TTN: variants seen among roughly 807,000 people sequenced by gnomAD.
TTN encodes the protein connectin.
TTN carries 1,525 observed loss-of-function variants against 3,223.0 expected under a neutral mutation model. The observed-to-expected ratio is 0.47, with a 90% CI of 0.45 to 0.49. The LOEUF is 0.49. Ranked by LOEUF, TTN falls within the 20% of genes least tolerant of loss-of-function variation. The pLI is 0.00. For missense variants in TTN, 40,786 were observed against 43,424.0 expected (o/e 0.94, Z 5.40); for synonymous variants, 14,094 against 15,161.0 (o/e 0.93, Z 5.17).
At chr2:178,628,425 C>G (rs1429255120) in intron 240 of TTN, among the ~76,000 whole-genome samples, 1 of 151,956 alleles carries the variant, frequency 6.6e-6, no homozygotes, top group Non-Finnish European at 1.5e-5. Flanking sequence ...TGCTTTATTT[C>G]CAACCCAGGC....
In TTN at chr2:178,599,582, T is replaced by A. The variant is rs377569886; in HGVS notation, c.56319A>T (p.Ala18773=). 1.8e-5 allele frequency: 28 copies of A among 1,592,740 alleles called. No homozygotes were observed. The highest frequency in any genetic ancestry group is 2.4e-5 in the Non-Finnish European group (28 of 1,168,422). ...TITAVNNLGT[A]SKEMRLNVLG... is the part of the protein sequence containing the mutation. ...GGACATTCAGTCTCATCTCCTTTGA[T>A]GCTGTTCCCAGATTATTTACAGCTG... Residue 18773 remains alanine (A), a synonymous_variant, in exon 289 of 363, where the codon GCA becomes GCT. Transcript: ENST00000589042.
rs750248363 is a variant in TTN, at chr2:178,605,144, A to C, written c.54033T>G (p.Thr18011=). The C allele has an allele frequency of 6.2e-7, 1 of 1,612,656 alleles. No homozygotes were observed. The highest frequency in any genetic ancestry group is 8.5e-7 in the Non-Finnish European group (1 of 1,179,190). Residue 18011 remains threonine (T), a synonymous_variant, in exon 280 of 363, where the codon ACT becomes ACG. Transcript: ENST00000589042. ...CTTCCTTGGTTATCTGAAGTGCATCAGTGGGTTTTTCAATTACAGTTTCAT... is the reference window on the plus strand; with the variant it reads ...CTTCCTTGGTTATCTGAAGTGCATCCGTGGGTTTTTCAATTACAGTTTCAT... The part of the protein sequence containing the change: ...SKNETVIEKP[T]DALQITKEEV...
At position 178,783,009 on chromosome 2, in the gene TTN, A is replaced by T; in HGVS notation, c.2897T>A (p.Ile966Asn). Residue 966 changes from isoleucine to asparagine, a missense_variant, in exon 18 of 363, where the codon ATC becomes AAC. Ile to Asn is a moderately radical substitution (Grantham distance 149). Coordinates refer to ENST00000589042, the MANE Select transcript of TTN (RefSeq NM_001267550.2). ...EGESVTLECH[I>N]SGYPSPTVTW... Reference sequence around the variant, plus strand: ...CACTGTCGGGGATGGGTATCCAGAGATGTGGCACTCCAAGGTGACAGATTC... The same window carrying T: ...CACTGTCGGGGATGGGTATCCAGAGTTGTGGCACTCCAAGGTGACAGATTC... The T allele has an allele frequency of 1.2e-6, 2 of 1,614,132 alleles. No homozygotes were observed. Among genetic ancestry groups the T allele is most frequent in the Non-Finnish European group, 1.7e-6 (2 of 1,180,000 alleles).
rs1224788527 is a variant in TTN at position 178,561,212 on chromosome 2, A to G, written c.84920T>C (p.Ile28307Thr). The change falls in exon 326 of 363, where the codon ATA becomes ACA. Residue 28307 changes from isoleucine to threonine, a missense_variant. Ile to Thr is a moderately conservative substitution (Grantham distance 89, BLOSUM62 -1). Transcript: ENST00000589042. The part of the protein sequence containing the change: ...GRWLKCNYTN[I>T]QETYFEVTEL... ...AGTTACTTCAAAGTATGTTTCTTGT[A>G]TATTAGTATAATTGCACTTCAGCCA... is the stretch of plus-strand genomic sequence containing the variant. 6 of 1,613,458 alleles carry G rather than the reference A, an allele frequency of 3.7e-6. No homozygotes were observed. The highest frequency in any genetic ancestry group is 2.7e-5 in the African/African-American group (2 of 74,908).
In TTN at chr2:178,621,935, C is replaced by T. The variant is rs762128685; in HGVS notation, c.44987G>A (p.Arg14996His). ...KYDIISKGAV[R>H]ILVINKCLLD... is the part of the protein sequence containing the mutation. ...TAGACATTTGTTGATGACAAGAATG[C>T]GCACTGCTCCCTTGGATATGATGTC... Residue 14996 changes from arginine to histidine, a missense_variant, in exon 244 of 363, where the codon CGC (arginine) becomes CAC (histidine). Transcript: ENST00000589042. The T allele has an allele frequency of 5.7e-5, 92 of 1,611,742 alleles. No individual in the cohort carries two copies. The highest frequency in any genetic ancestry group is 1.6e-4 in the Middle Eastern group (1 of 6,068).
rs746126758 is a variant in TTN at position 178,676,000 on chromosome 2, A to G, written c.34379-5T>C. On this transcript the variant is annotated splice_polypyrimidine_tract_variant and splice_region_variant and intron_variant, in intron 147 of 362. Coordinates refer to ENST00000589042, the MANE Select transcript of TTN (RefSeq NM_001267550.2). ...CTTTCTTCTTAATTTCAGGCACTTT[A>G]AAGACATCATTTCATGATAAGGATT... 3.8e-6 allele frequency: 6 copies of G among 1,593,034 alleles called. No homozygotes were observed. Among genetic ancestry groups the G allele is most frequent in the Non-Finnish European group, 4.3e-6 (5 of 1,168,320 alleles).
chr2:178,560,177 G>A lies in TTN; in HGVS notation c.85955C>T (p.Pro28652Leu). 1.2e-6 allele frequency: 2 copies of A among 1,613,668 alleles called. No individual in the cohort carries two copies. Among genetic ancestry groups the A allele is most frequent in the Non-Finnish European group, 1.7e-6 (2 of 1,179,752 alleles). ...LIRAEDPVFL[P>L]SPPSKPKIVD... ...AATTTTGGGTTTGGATGGAGGAGAT[G>A]GTAGGAACACTGGATCTTCTGCCCT... The change falls in exon 326 of 363, where the codon CCA (proline) becomes CTA (leucine). Residue 28652 changes from proline (P) to leucine (L), a missense_variant. Physicochemically the swap from Pro to Leu is moderately conservative, Grantham distance 98. Coordinates refer to ENST00000589042, the MANE Select transcript of TTN (RefSeq NM_001267550.2).
Position 178,534,878 on chromosome 2 carries a change from C to G in TTN, c.101737G>C (p.Glu33913Gln), listed in dbSNP as rs1376195366. ...RINTSAFELN[E>Q]REIVSYVHQV... ...TGAACATAACTTACAATTTCTCTTTCATTAAGTTCAAAAGCACTTGTGTTA... is the reference window on the plus strand; with the variant it reads ...TGAACATAACTTACAATTTCTCTTTGATTAAGTTCAAAAGCACTTGTGTTA... The change falls in exon 358 of 363, where the codon GAA becomes CAA. Residue 33913 changes from glutamate to glutamine, a missense_variant. By Grantham distance (29) the Glu-to-Gln change is conservative. Transcript: ENST00000589042. The G allele has an allele frequency of 6.2e-7, 1 of 1,608,638 alleles. No homozygotes were observed. Among genetic ancestry groups the G allele is most frequent in the African/African-American group, 1.3e-5 (1 of 75,038 alleles).
chr2:178,735,661 G>A lies in TTN; in HGVS notation c.14785C>T (p.Pro4929Ser). The change falls in exon 50 of 363, where the codon CCC (proline) becomes TCC (serine). Residue 4929 changes from proline (P) to serine (S), a missense_variant. Physicochemically the swap from Pro to Ser is moderately conservative, Grantham distance 74 (BLOSUM62 -1). Transcript: ENST00000589042. ...VTWSKDGQKL[P>S]PGKDYKICFE... ...CAGATCTTATAATCTTTCCCTGGGG[G>A]GAGTTTTTGCCCATCTTTGCTCCAC... The A allele has an allele frequency of 6.2e-7, 1 of 1,613,750 alleles. No individual in the cohort carries two copies. The highest frequency in any genetic ancestry group is 1.3e-5 in the African/African-American group (1 of 75,030).
Position 178,580,030 on chromosome 2 carries a change from C to A in TTN, c.67257G>T (p.Glu22419Asp). Residue 22419 changes from glutamate (E) to aspartate (D), a missense_variant, in exon 318 of 363, where the codon GAG becomes GAT. Coordinates refer to ENST00000589042, the MANE Select transcript of TTN (RefSeq NM_001267550.2). The part of the protein sequence containing the change: ...SKTSFRVANL[E>D]EGKSYFFRVF... Reference sequence around the variant, plus strand: ...CTCGGAAGAAGTAGGATTTTCCCTCCTCCAAATTAGCTACTCTGAAGCTTG... The same window carrying A: ...CTCGGAAGAAGTAGGATTTTCCCTCATCCAAATTAGCTACTCTGAAGCTTG... 6.2e-7 allele frequency: 1 copy of A among 1,613,328 alleles called. No homozygotes were observed. The highest frequency in any genetic ancestry group is 8.5e-7 in the Non-Finnish European group (1 of 1,179,488).
intron 307 of TTN, 61 bp downstream of exon 307, chr2:178,587,057 A>G: frequency 6.3e-7 from 1 of 1,594,794 alleles, no homozygotes; most frequent in Non-Finnish European, 8.6e-7. Context: ...TGGTATTAGT[A>G]TCTTGACCTT....
At chr2:178,708,096 T>A (rs930565710) in intron 99 of TTN, among the ~76,000 whole-genome samples, 47 of 152,180 alleles carry the variant, frequency 3.1e-4, no homozygotes, top group African/African-American at 1.1e-3. Context: ...ACATTGGCAG[T>A]TACTATGAAC....
At chr2:178,663,733 A>C in intron 170 of TTN, 23 bp from the exon 171 acceptor site, 5 of 1,612,898 alleles carry the variant, frequency 3.1e-6, no homozygotes, top group Non-Finnish European at 4.2e-6. Flanking sequence ...TAGCAAAATT[A>C]CATTCAGAAG....
At position 178,589,208 on chromosome 2, in the gene TTN, C is replaced by T; in HGVS notation, c.62517G>A (p.Gly20839=). 4.3e-6 allele frequency: 7 copies of T among 1,613,502 alleles called. No individual in the cohort carries two copies. Among genetic ancestry groups the T allele is most frequent in the Non-Finnish European group, 5.9e-6 (7 of 1,179,624 alleles). The change falls in exon 304 of 363, where the codon GGG becomes GGA. Residue 20839 remains glycine (G), a synonymous_variant. Coordinates refer to ENST00000589042, the MANE Select transcript of TTN (RefSeq NM_001267550.2). The part of the protein sequence containing the change: ...FSLTKAKRSD[G]GKYVVTATNT... The stretch of plus-strand genomic sequence containing the variant: ...TAGTTGCCGTAACTACATATTTACC[C>T]CCATCACTTCGCTTTGCTTTAGTAA...
In TTN at chr2:178,717,223, A is replaced by T; in HGVS notation, c.25511T>A (p.Met8504Lys). The T allele has an allele frequency of 6.2e-7, 1 of 1,613,682 alleles. No individual in the cohort carries two copies. Among genetic ancestry groups the T allele is most frequent in the Non-Finnish European group, 8.5e-7 (1 of 1,179,682 alleles). ...AGTGGCAGTATTTTCTACCAAAGTC[A>T]TCTTGTAGTTGCCTCCAGGGCGAAT... ...REIRPGGNYK[M>K]TLVENTATLT... is the part of the protein sequence containing the mutation. The change falls in exon 88 of 363, where the codon ATG becomes AAG. Residue 8504 changes from methionine to lysine, a missense_variant. By Grantham distance (95) the Met-to-Lys change is moderately conservative. Transcript: ENST00000589042.
rs74831725 is a variant in TTN at position 178,764,378 on chromosome 2, T to C, written c.9989-76A>G. On this transcript the variant is annotated intron_variant, in intron 42 of 362. Coordinates refer to ENST00000589042, the MANE Select transcript of TTN (RefSeq NM_001267550.2). ...TCACAGAAGGGAGCATGTAGGTTTA[T>C]CTTAATTTATTTCACTGCAGAGTGC... 8.0e-5 allele frequency: 129 copies of C among 1,612,564 alleles called. No homozygotes were observed. The East Asian group carries it at 2.8e-3, about 35-fold the overall frequency.
chr2:178,772,048 T>C (rs572674506), intron 33 of TTN, among the ~76,000 whole-genome samples: 1 of 152,312 alleles, frequency 6.6e-6, no homozygotes, highest in East Asian at 1.9e-4. Flanking sequence ...ATTATGAATT[T>C]CTCAAGAAAA....
Position 178,610,198 on chromosome 2 carries a change from C to A in TTN, c.51328G>T (p.Asp17110Tyr), listed in dbSNP as rs1176787179. ...AAGTATTCACCATTTGGTATGAGAT[C>A]CTTCACAGTCCATGACAGTTTGTTC... is the stretch of plus-strand genomic sequence containing the variant. ...GENKLSWTVK[D>Y]LIPNGEYFFR... Residue 17110 changes from aspartate (D) to tyrosine (Y), a missense_variant, in exon 271 of 363, where the codon GAT becomes TAT. Asp to Tyr is a radical substitution (Grantham distance 160). Transcript: ENST00000589042. 6.2e-7 allele frequency: 1 copy of A among 1,612,970 alleles called. No homozygotes were observed. Among genetic ancestry groups the A allele is most frequent in the Non-Finnish European group, 8.5e-7 (1 of 1,179,294 alleles).
At position 178,715,008 on chromosome 2, in the gene TTN, G is replaced by A. The variant is rs1203865258; in HGVS notation, c.26178C>T (p.Cys8726=). ...KATNDVGSDT[C]VGSIALKAPP... The stretch of plus-strand genomic sequence containing the variant: ...AACCTTTGAGAGCGATGGAACCAAC[G>A]CAAGTGTCGCTTCCCACATCATTTG... Residue 8726 remains cysteine (C), a synonymous_variant, in exon 90 of 363, where the codon TGC becomes TGT. Transcript: ENST00000589042. The A allele has an allele frequency of 6.8e-6, 11 of 1,611,492 alleles. No homozygotes were observed. The highest frequency in any genetic ancestry group is 2.7e-5 in the African/African-American group (2 of 74,876).
Sources: gnomAD v4.1 joint callset for allele counts (sites outside exome capture counted in the v4.1 genomes callset) on GRCh38, gnomAD v4.1.1 for gene constraint, MANE v1.5 for transcripts, NCBI Gene and HGNC (gene_info 2026-07-23, HGNC 2026-07-21) for gene names.